The following COL21A1 variants were observed in gnomAD, a reference collection of about 807,000 sequenced individuals.
The protein encoded by COL21A1 is collagen type XXI alpha 1 chain, also known as collagen alpha-1(XXI) chain.
COL21A1 carries 149 observed loss-of-function variants against 137.9 expected under a neutral mutation model. That is an observed-to-expected ratio of 1.08 (90% CI 0.95 to 1.24). The LOEUF (loss-of-function observed/expected upper bound fraction) is 1.24. COL21A1 is among the 50% of genes most tolerant of loss of function. The pLI, the probability that COL21A1 is intolerant of heterozygous loss-of-function variation, is 0.00. For missense variants in COL21A1, 1,167 were observed against 1,158.4 expected (o/e 1.01, Z -0.11); for synonymous variants, 456 against 391.5 (o/e 1.16, Z -1.95).
At chr6:56,069,150 G>C (rs371121515) in intron 21 of COL21A1, 33 bp from the exon 22 acceptor site, 1 of 1,419,608 alleles carries the variant, frequency 7.0e-7, no homozygotes. Flanking sequence ...AAAGATCACA[G>C]ATCTACTGCT....
intron 3 of COL21A1, among the ~76,000 whole-genome samples, chr6:56,173,354 C>G (rs1925186): frequency 0.76 from 114,229 of 150,016 alleles, 43,963 homozygotes; most frequent in African/African-American, 0.88. Context: ...CTCCAGCCTG[C>G]GCAACAGAAT....
intron 1 of COL21A1, among the ~76,000 whole-genome samples, chr6:56,326,644 T>G (rs1211381431): frequency 2.6e-5 from 4 of 152,010 alleles, no homozygotes; most frequent in Non-Finnish European, 1.5e-5. Flanking sequence ...TTTTACAATC[T>G]TACCTGTTGA....
intron 17 of COL21A1, among the ~76,000 whole-genome samples, chr6:56,082,287 CA>C (rs1222400443): frequency 1.3e-5 from 2 of 151,626 alleles, no homozygotes; most frequent in Non-Finnish European, 2.9e-5. Flanking sequence ...CCCTTTATAT[CA>C]GTAAGTGAAA....
chr6:56,311,418 C>T (rs1764611437), intron 1 of COL21A1, among the ~76,000 whole-genome samples: 1 of 152,102 alleles, frequency 6.6e-6, no homozygotes, highest in Non-Finnish European at 1.5e-5. Context: ...TTCAGATAAG[C>T]AGTGAAAAGG....
intron 1 of COL21A1, among the ~76,000 whole-genome samples, chr6:56,217,363 A>G (rs896320853): frequency 2.4e-4 from 36 of 152,084 alleles, no homozygotes; most frequent in African/African-American, 8.2e-4. Context: ...ACAGAACTCC[A>G]TCCCAAATGT....
chr6:56,393,562 T>C (rs2094034185), intron 1 of COL21A1, among the ~76,000 whole-genome samples: 2 of 152,020 alleles, frequency 1.3e-5, no homozygotes, highest in Non-Finnish European at 2.9e-5. Flanking sequence ...TGGAAGATGG[T>C]GGATTGGTGG....
intron 17 of COL21A1, among the ~76,000 whole-genome samples, chr6:56,098,688 AATATATAAATAT>A (rs1457195089): frequency 7.9e-5 from 3 of 38,036 alleles, no homozygotes; most frequent in African/African-American, 1.2e-4. Context: ...AATATATATA[AATATATAAATAT>A]ATATATAAAT....
chr6:56,202,183 G>A (rs1779453175), intron 1 of COL21A1, among the ~76,000 whole-genome samples: 1 of 152,066 alleles, frequency 6.6e-6, no homozygotes, highest in East Asian at 1.9e-4. Context: ...TAAAAATGTA[G>A]TGTGAAAAGG....
intron 12 of COL21A1, among the ~76,000 whole-genome samples, chr6:56,141,277 G>C (rs1392323310): frequency 6.6e-6 from 1 of 152,164 alleles, no homozygotes; most frequent in African/African-American, 2.4e-5. Context: ...AGGAAATCCT[G>C]TCATTTTCAA....
At chr6:56,204,816 C>T (rs182004985) in intron 1 of COL21A1, among the ~76,000 whole-genome samples, 25 of 152,302 alleles carry the variant, frequency 1.6e-4, no homozygotes, top group African/African-American at 6.0e-4. Context: ...CTGTAGCGTC[C>T]ACTGGTGATA....
chr6:56,205,062 A>C (rs889755855), intron 1 of COL21A1, among the ~76,000 whole-genome samples: 1 of 152,170 alleles, frequency 6.6e-6, no homozygotes, highest in African/African-American at 2.4e-5. Flanking sequence ...AATTCCAAAA[A>C]CCAGAACACC....
At chr6:56,217,636 A>G (rs1008341981) in intron 1 of COL21A1, among the ~76,000 whole-genome samples, 3 of 152,128 alleles carry the variant, frequency 2.0e-5, no homozygotes, top group Non-Finnish European at 4.4e-5. Context: ...TCAGAACTTC[A>G]GTGCGTTGAC....
chr6:56,295,206 G>T (rs1582762253), intron 1 of COL21A1, among the ~76,000 whole-genome samples: 2 of 151,806 alleles, frequency 1.3e-5, no homozygotes, highest in Non-Finnish European at 2.9e-5. Flanking sequence ...AAAAGATTGG[G>T]TTTTTTTCTA....
At chr6:56,245,700 C>T (rs1285833617) in intron 1 of COL21A1, among the ~76,000 whole-genome samples, 1 of 152,134 alleles carries the variant, frequency 6.6e-6, no homozygotes, top group Non-Finnish European at 1.5e-5. Flanking sequence ...TGCAACTATC[C>T]AAGAGCACAG....
At chr6:56,257,504 T>G (rs1477340131) in intron 1 of COL21A1, among the ~76,000 whole-genome samples, 1 of 152,154 alleles carries the variant, frequency 6.6e-6, no homozygotes, top group Non-Finnish European at 1.5e-5. Flanking sequence ...AACACATTCT[T>G]TATAATGGGC....
At chr6:56,334,603 G>C (rs773527742) in intron 1 of COL21A1, among the ~76,000 whole-genome samples, 21 of 152,142 alleles carry the variant, frequency 1.4e-4, no homozygotes, top group Non-Finnish European at 2.4e-4. Flanking sequence ...CAAAGCATTA[G>C]CTTATAATTC....
rs1368017510 is a variant in COL21A1 at position 56,097,836 on chromosome 6, T to A, written c.1812+3636A>T. Among the ~76,000 whole-genome samples, 6 of 38,258 alleles carry A rather than the reference T, an allele frequency of 1.6e-4. 1 individual carries two copies. Among genetic ancestry groups the A allele is most frequent in the African/African-American group, 3.6e-4 (3 of 8,332 alleles). The allele number at this position is 38,258 out of a possible 152,430, so 25.1% of individuals were successfully genotyped here. A position where few individuals can be genotyped will look rare whatever the true frequency, so the allele number is the denominator to read the frequency against. ...ATATATAAATACATATAAATATATATAAATATATAAATATATATAAATATA... is the reference window on the plus strand; with the variant it reads ...ATATATAAATACATATAAATATATAAAAATATATAAATATATATAAATATA... On this transcript the variant is annotated intron_variant, in intron 17 of 29. Transcript: ENST00000244728.
chr6:56,060,634 T>C, intron 27 of COL21A1, 107 bp downstream of exon 27: 1 of 770,342 alleles, frequency 1.3e-6, no homozygotes, highest in Non-Finnish European at 2.0e-6. Flanking sequence ...ATAAATGTTA[T>C]CTGTTTTCTT....
At chr6:56,269,278 C>A (rs1208774346) in intron 1 of COL21A1, among the ~76,000 whole-genome samples, 1 of 152,148 alleles carries the variant, frequency 6.6e-6, no homozygotes, top group Non-Finnish European at 1.5e-5. Context: ...AAATACTATA[C>A]AAGATAACTG....
Sources: allele counts gnomAD v4.1 joint callset (sites outside exome capture counted in the v4.1 genomes callset), GRCh38; gene constraint gnomAD v4.1.1; transcripts MANE v1.5; gene names NCBI Gene and HGNC (gene_info 2026-07-23, HGNC 2026-07-21).